The following GALNS variants were observed in gnomAD, a reference collection of about 807,000 sequenced individuals.
The protein encoded by GALNS is galactosamine (N-acetyl)-6-sulfatase.
In GALNS, 65 loss-of-function variants were observed where a neutral mutation model predicts 65.9. That is an observed-to-expected ratio of 0.99 (90% CI 0.81 to 1.21). The LOEUF is 1.21. Ranked by LOEUF, GALNS falls within the 50% of genes most tolerant of loss-of-function variation. GALNS has a pLI of 0.00. For missense variants in GALNS, 776 were observed against 700.7 expected (o/e 1.11, Z -1.21); for synonymous variants, 346 against 288.9 (o/e 1.20, Z -2.00).
chr16:88,833,916 G>A (rs1350467655), intron 8 of GALNS, among the ~76,000 whole-genome samples: 3 of 152,224 alleles, frequency 2.0e-5, no homozygotes, highest in Non-Finnish European at 4.4e-5. Context: ...GAAGACTCAG[G>A]TCGCTGGGAC....
intron 4 of GALNS, 75 bp from the exon 5 acceptor site, chr16:88,837,840 C>A: frequency 6.7e-7 from 1 of 1,503,604 alleles, no homozygotes; most frequent in East Asian, 2.3e-5. Flanking sequence ...CAACAGATAC[C>A]ACCTTCACAA....
intron 12 of GALNS, among the ~76,000 whole-genome samples, chr16:88,820,927 G>T (rs924239546): frequency 2.6e-5 from 4 of 152,274 alleles, no homozygotes; most frequent in South Asian, 4.1e-4. Flanking sequence ...GTCCCCCTGG[G>T]ACGGCGCTTC....
chr16:88,855,027 G>T, intron 1 of GALNS: 1 of 350,632 alleles, frequency 2.9e-6, no homozygotes. Flanking sequence ...CCTCCACCCT[G>T]CACGGCCTGA....
intron 1 of GALNS, among the ~76,000 whole-genome samples, chr16:88,846,019 A>C (rs1967227398): frequency 6.6e-6 from 1 of 152,188 alleles, no homozygotes; most frequent in African/African-American, 2.4e-5. Context: ...ATCATGGCCC[A>C]GCAATTCCAC....
At position 88,855,926 on chromosome 16, in the gene GALNS, C is replaced by T. The variant is rs1458448302; in HGVS notation, c.120+832G>A. 52 of 550,894 alleles carry T rather than the reference C, an allele frequency of 9.4e-5. 1 individual carries two copies. Among genetic ancestry groups the T allele is most frequent in the South Asian group, 9.2e-4 (44 of 48,032 alleles). 34.1% of individuals were successfully genotyped at this position (550,894 alleles called of 1,614,324 possible). A position where few individuals can be genotyped will look rare whatever the true frequency, so the allele number is the denominator to read the frequency against. On this transcript the variant is annotated intron_variant, in intron 1 of 13. Transcript: ENST00000268695. ...GTGTCGTCCCAGTCCTCACACACAA[C>T]GTGAGCACGGCGGGACAGGTGTAAC... is the stretch of plus-strand genomic sequence containing the variant.
At chr16:88,816,687 G>A (rs1475914431) in intron 13 of GALNS, 5 of 985,312 alleles carry the variant, frequency 5.1e-6, no homozygotes, top group Middle Eastern at 5.2e-4. Context: ...GCCGGCCCAC[G>A]CTGTGGCTCC....
chr16:88,814,835 G>C (rs140734477), intron 13 of GALNS, among the ~76,000 whole-genome samples: 1 of 152,146 alleles, frequency 6.6e-6, no homozygotes, highest in Non-Finnish European at 1.5e-5. Flanking sequence ...TCCTGACCTC[G>C]TGATCCACCT....
rs886293474 is a variant in GALNS, at chr16:88,841,773, C to G, written c.319+124G>C. On this transcript the variant is annotated intron_variant, in intron 3 of 13. Transcript: ENST00000268695. ...GCACTTCCACCTAAGTCCCAGAGAC[C>G]CAGGCACCAGCGGTACCCCACCTGC... 1.2e-4 allele frequency: 104 copies of G among 849,430 alleles called. 1 individual carries two copies. The highest frequency in any genetic ancestry group is 6.0e-4 in the Middle Eastern group (2 of 3,330). 52.6% of individuals were successfully genotyped at this position (849,430 alleles called of 1,614,324 possible). A position where few individuals can be genotyped will look rare whatever the true frequency, so the allele number is the denominator to read the frequency against.
intron 12 of GALNS, among the ~76,000 whole-genome samples, chr16:88,821,774 C>T (rs1910243983): frequency 6.6e-6 from 1 of 152,192 alleles, no homozygotes; most frequent in Admixed American, 6.5e-5. Flanking sequence ...CAGGGAGCAA[C>T]CGCTGTGCTC....
chr16:88,814,029 C>T lies in GALNS; in HGVS notation c.*410G>A. 3.0e-6 allele frequency: 1 copy of T among 329,192 alleles called. No individual in the cohort carries two copies. Among genetic ancestry groups the T allele is most frequent in the South Asian group, 2.7e-5 (1 of 37,432 alleles). The allele number at this position is 329,192 out of a possible 1,614,324, so 20.4% of individuals were successfully genotyped here. On this transcript the variant is annotated 3_prime_UTR_variant, in exon 14 of 14. Coordinates refer to ENST00000268695, the MANE Select transcript of GALNS (RefSeq NM_000512.5). ...CGCCATACACATACTGATCTTGTGTCTCCCTAAGATGTATAAAGGCAAACT... is the reference window on the plus strand; with the variant it reads ...CGCCATACACATACTGATCTTGTGTTTCCCTAAGATGTATAAAGGCAAACT...
chr16:88,837,779 C>T lies in GALNS; in HGVS notation c.423-14G>A, dbSNP rs1395940726. 11 of 1,613,566 alleles carry T rather than the reference C, an allele frequency of 6.8e-6. No homozygotes were observed. Among genetic ancestry groups the T allele is most frequent in the South Asian group, 1.1e-5 (1 of 91,092 alleles). On this transcript the variant is annotated splice_polypyrimidine_tract_variant and intron_variant, in intron 4 of 13. Coordinates refer to ENST00000268695, the MANE Select transcript of GALNS (RefSeq NM_000512.5). ...TGACCCAGATGCCTGGAAACAGGAA[C>T]CCAGGACACTTCAGGGACCCCACGT...
At chr16:88,822,770 T>G in intron 11 of GALNS, 60 bp from the exon 12 acceptor site, 2 of 1,588,924 alleles carry the variant, frequency 1.3e-6, no homozygotes, top group Non-Finnish European at 8.6e-7. Context: ...GTGAGGGGCC[T>G]CGTCTGCCCG....
At chr16:88,856,081 C>T in intron 1 of GALNS, 1 of 676,374 alleles carries the variant, frequency 1.5e-6, no homozygotes, top group Non-Finnish European at 2.7e-6. Context: ...ATTCCTGAGT[C>T]TCCAGGTGGC....
In GALNS at chr16:88,814,220, G is replaced by T. The variant is rs1909396817; in HGVS notation, c.*219C>A. On this transcript the variant is annotated 3_prime_UTR_variant, in exon 14 of 14. Coordinates refer to ENST00000268695, the MANE Select transcript of GALNS (RefSeq NM_000512.5). ...TCTGAGGCGCCGTGGGCGAGGAGGA[G>T]GGTCCTGAAATCTGAGGCGCCGTGG... 7.9e-6 allele frequency: 5 copies of T among 635,720 alleles called. No homozygotes were observed. In the Admixed American group the frequency reaches 1.3e-4, roughly 17 times the overall value. 39.4% of individuals were successfully genotyped at this position (635,720 alleles called of 1,614,324 possible). A position where few individuals can be genotyped will look rare whatever the true frequency, so the allele number is the denominator to read the frequency against.
At chr16:88,822,510 C>T in intron 12 of GALNS, 79 bp downstream of exon 12, 1 of 1,583,984 alleles carries the variant, frequency 6.3e-7, no homozygotes, top group South Asian at 1.1e-5. Flanking sequence ...GTGCAGAGGG[C>T]TCTGTCCCTG....
intron 1 of GALNS, chr16:88,843,035 C>A: frequency 1.3e-6 from 2 of 1,524,044 alleles, no homozygotes; most frequent in Non-Finnish European, 1.8e-6. Flanking sequence ...CAAACCTCAG[C>A]ATCGCCTGCG....
intron 1 of GALNS, among the ~76,000 whole-genome samples, chr16:88,854,069 A>C (rs1045100143): frequency 6.6e-6 from 1 of 152,242 alleles, no homozygotes; most frequent in African/African-American, 2.4e-5. Flanking sequence ...GCCCAGCCAC[A>C]GAGGACTGGA....
intron 1 of GALNS, chr16:88,855,468 T>G (rs1183108967): frequency 1.4e-6 from 1 of 702,848 alleles, no homozygotes; most frequent in Non-Finnish European, 2.6e-6. Context: ...GCCCGGCTAC[T>G]GCTGTCAGGA....
In GALNS at chr16:88,843,134, C is replaced by T. The variant is rs751931672; in HGVS notation, c.121-305G>A. ...GTCTTCAGGTGGGGAATGTGTCCGT[C>T]TGCCTCCTCCCAGCCTGACACCAGC... On this transcript the variant is annotated intron_variant, in intron 1 of 13. Coordinates refer to ENST00000268695, the MANE Select transcript of GALNS (RefSeq NM_000512.5). 4 of 1,437,744 alleles carry T rather than the reference C, an allele frequency of 2.8e-6. No homozygotes were observed. In the South Asian group the frequency reaches 4.9e-5, roughly 17 times the overall value. 89.1% of individuals were successfully genotyped at this position (1,437,744 alleles called of 1,614,324 possible). A position where few individuals can be genotyped will look rare whatever the true frequency, so the allele number is the denominator to read the frequency against.
Sources: allele counts gnomAD v4.1 joint callset (sites outside exome capture counted in the v4.1 genomes callset), GRCh38; gene constraint gnomAD v4.1.1; transcripts MANE v1.5; gene names NCBI Gene and HGNC (gene_info 2026-07-23, HGNC 2026-07-21).